The following GALNT13 variants were observed in gnomAD, a reference collection of about 807,000 sequenced individuals.
GALNT13 encodes the protein UDP-GalNAc:polypeptide N-acetylgalactosaminyltransferase 13.
In GALNT13, 28 loss-of-function variants were observed where a neutral mutation model predicts 64.2. The observed-to-expected ratio is 0.44, with a 90% CI of 0.32 to 0.60. The LOEUF is 0.60. Among genes scored for constraint, GALNT13 ranks in the 20% least tolerant of loss-of-function variants. GALNT13 has a pLI of 0.05. For missense variants in GALNT13, 577 were observed against 669.8 expected (o/e 0.86, Z 1.53); for synonymous variants, 214 against 224.6 (o/e 0.95, Z 0.42).
the GALNT13 span, among the ~76,000 whole-genome samples, chr2:153,740,605 T>C: frequency 2.7e-4 from 41 of 152,132 alleles, no homozygotes; most frequent in Non-Finnish European, 4.3e-4. Flanking sequence ...TAATTTTGGA[T>C]TGTATCCTGC....
At chr2:154,005,537 A>T (rs140241344) in intron 3 of GALNT13, among the ~76,000 whole-genome samples, 118 of 152,266 alleles carry the variant, frequency 7.7e-4, no homozygotes, top group African/African-American at 2.8e-3. Context: ...TGGAAATGAG[A>T]AACAACACTG....
chr2:153,903,832 C>A (rs890478521), intron 2 of GALNT13, among the ~76,000 whole-genome samples: 5 of 151,932 alleles, frequency 3.3e-5, no homozygotes, highest in Non-Finnish European at 7.4e-5. Context: ...TTTTCACAAG[C>A]AAAGACCCAT....
At chr2:154,326,823 T>C (rs1694900497) in intron 9 of GALNT13, among the ~76,000 whole-genome samples, 2 of 152,116 alleles carry the variant, frequency 1.3e-5, no homozygotes, top group African/African-American at 4.8e-5. Flanking sequence ...TGAGAAGCAT[T>C]GTCTAACACA....
chr2:154,130,866 G>A (rs1410492756), intron 3 of GALNT13, among the ~76,000 whole-genome samples: 1 of 152,164 alleles, frequency 6.6e-6, no homozygotes, highest in African/African-American at 2.4e-5. Context: ...TATGTAAACA[G>A]CTTCTGTAAA....
intron 2 of GALNT13, among the ~76,000 whole-genome samples, chr2:153,902,843 G>A (rs1688323288): frequency 1.3e-5 from 2 of 152,036 alleles, no homozygotes; most frequent in Non-Finnish European, 2.9e-5. Flanking sequence ...ATTGTCCCAG[G>A]TCACAAAAGT....
chr2:153,960,842 A>G (rs1205056505), intron 3 of GALNT13, among the ~76,000 whole-genome samples: 2 of 152,316 alleles, frequency 1.3e-5, no homozygotes, highest in South Asian at 4.1e-4. Context: ...TTTAGTATTT[A>G]TTTAAATAAA....
At chr2:153,834,007 A>G in the GALNT13 span, among the ~76,000 whole-genome samples, 1 of 149,390 alleles carries the variant, frequency 6.7e-6, no homozygotes, top group African/African-American at 2.5e-5. Flanking sequence ...TGTTACTGAT[A>G]AAAAATTAAT....
chr2:153,849,853 T>C, the GALNT13 span, among the ~76,000 whole-genome samples: 5 of 152,086 alleles, frequency 3.3e-5, no homozygotes, highest in East Asian at 5.8e-4. Context: ...ACTATCTGAT[T>C]CTGGGATAAG....
At chr2:154,148,608 G>T (rs1683771060) in intron 4 of GALNT13, among the ~76,000 whole-genome samples, 2 of 151,990 alleles carry the variant, frequency 1.3e-5, no homozygotes, top group South Asian at 4.2e-4. Flanking sequence ...ACTTTTTAAT[G>T]ATTGCCATTC....
chr2:153,654,097 C>G, the GALNT13 span, among the ~76,000 whole-genome samples: 1 of 152,012 alleles, frequency 6.6e-6, no homozygotes, highest in African/African-American at 2.4e-5. Context: ...GTAGTGTAAT[C>G]AAGCCTCTTG....
the GALNT13 span, among the ~76,000 whole-genome samples, chr2:153,465,234 C>T: frequency 6.6e-6 from 1 of 151,996 alleles, no homozygotes; most frequent in Admixed American, 6.6e-5. Context: ...AGGTATGACA[C>T]AGTATGCAAC....
chr2:154,133,543 T>G (rs1682760063), intron 3 of GALNT13, among the ~76,000 whole-genome samples: 1 of 16,586 alleles, frequency 6.0e-5, no homozygotes, highest in African/African-American at 1.9e-4. Context: ...TTTATATATA[T>G]ATATATATAT....
At chr2:153,624,825 C>T in the GALNT13 span, among the ~76,000 whole-genome samples, 4 of 122,884 alleles carry the variant, frequency 3.3e-5, no homozygotes, top group African/African-American at 1.2e-4. Context: ...AACTGGAAAA[C>T]TGTTTTTATA....
At chr2:153,914,784 T>A (rs1025848808) in intron 2 of GALNT13, among the ~76,000 whole-genome samples, 1 of 152,136 alleles carries the variant, frequency 6.6e-6, no homozygotes, top group South Asian at 2.1e-4. Context: ...GTTTTTTCAG[T>A]GTTTTTTTTC....
chr2:153,091,357 C>G, the GALNT13 span, among the ~76,000 whole-genome samples: 1 of 152,100 alleles, frequency 6.6e-6, no homozygotes, highest in Non-Finnish European at 1.5e-5. Flanking sequence ...TCCATTTCAG[C>G]TCTAGGTAAG....
intron 9 of GALNT13, among the ~76,000 whole-genome samples, chr2:154,337,499 A>AT (rs1695521403): frequency 6.6e-6 from 1 of 152,060 alleles, no homozygotes; most frequent in South Asian, 2.1e-4. Flanking sequence ...CATTTTTGAA[A>AT]TGTTTTAAAA....
intron 4 of GALNT13, among the ~76,000 whole-genome samples, chr2:154,214,654 G>A (rs903885987): frequency 5.9e-5 from 9 of 152,068 alleles, no homozygotes; most frequent in Non-Finnish European, 1.2e-4. Context: ...CCTTCACTCA[G>A]CACTTCTTCT....
the GALNT13 span, among the ~76,000 whole-genome samples, chr2:153,615,018 A>C: frequency 7.9e-5 from 12 of 151,988 alleles, no homozygotes; most frequent in African/African-American, 2.7e-4. Context: ...CACCTCCGCA[A>C]CACCTTTTCA....
chr2:153,279,338 T>C, the GALNT13 span, among the ~76,000 whole-genome samples: 2 of 152,176 alleles, frequency 1.3e-5, no homozygotes, highest in South Asian at 4.1e-4. Context: ...TCTATTTGGA[T>C]TCCTTTTATT....
Sources: gnomAD v4.1 joint callset for allele counts (sites outside exome capture counted in the v4.1 genomes callset) on GRCh38, gnomAD v4.1.1 for gene constraint, MANE v1.5 for transcripts, NCBI Gene and HGNC (gene_info 2026-07-23, HGNC 2026-07-21) for gene names.